Variants in TAF4 observed in about 807,000 individuals in gnomAD.
TAF4 encodes transcription initiation factor TFIID subunit 4.
In TAF4, 9 loss-of-function variants were observed where a neutral mutation model predicts 90.3. The ratio of observed to expected loss-of-function variants is 0.10; its 90% CI spans 0.06 to 0.17. The LOEUF (loss-of-function observed/expected upper bound fraction) is 0.17, where lower values mean the gene tolerates loss of function less well. Ranked by LOEUF, TAF4 falls within the 10% of genes least tolerant of loss-of-function variation. The pLI, the probability that TAF4 is intolerant of heterozygous loss-of-function variation, is 1.00. For missense variants in TAF4, 1,351 were observed against 1,370.7 expected, an observed-to-expected ratio of 0.99 and a Z score of 0.23; for synonymous variants, 818 against 638.9, an observed-to-expected ratio of 1.28 and a Z score of -4.23.
intron 14 of TAF4, among the ~76,000 whole-genome samples, chr20:61,994,242 G>A (rs945014825): frequency 1.3e-5 from 2 of 152,230 alleles, no homozygotes; most frequent in Admixed American, 1.3e-4. Context: ...TACATTTTCA[G>A]CGTGGGCTGC....
At position 62,000,229 on chromosome 20, in the gene TAF4, T is replaced by A; in HGVS notation, c.2682A>T (p.Leu894Phe). 6.2e-7 allele frequency: 1 copy of A among 1,614,194 alleles called. No individual in the cohort carries two copies. Among genetic ancestry groups the A allele is most frequent in the Non-Finnish European group, 8.5e-7 (1 of 1,180,012 alleles). ...ATACATAACTTACTACATCTGGATG[T>A]AATTCCGTTATACCATGTTTTTTAC... ...EIGKKHGITE[L>F]HPDVVSYVSH... Residue 894 changes from leucine (L) to phenylalanine (F), a missense_variant, in exon 11 of 15, where the codon TTA (leucine) becomes TTT (phenylalanine). Leu to Phe is a conservative substitution (Grantham distance 22). This residue lies in a region of TAF4 where 95 missense variants were observed against 151.3 expected (regional missense o/e 0.63). Transcript: ENST00000252996.
chr20:61,976,467 C>A, intron 14 of TAF4, 132 bp from the exon 15 acceptor site: 2 of 1,059,282 alleles, frequency 1.9e-6, no homozygotes, highest in Non-Finnish European at 2.8e-6. Context: ...TCCGGTAGGC[C>A]CACAGCTGGA....
intron 1 of TAF4, among the ~76,000 whole-genome samples, chr20:62,029,760 G>C (rs555146350): frequency 6.6e-6 from 1 of 152,294 alleles, no homozygotes; most frequent in South Asian, 2.1e-4. Context: ...ACAAAAATTA[G>C]CTGGGCGTGG....
At chr20:62,057,243 G>A (rs376158171) in intron 1 of TAF4, among the ~76,000 whole-genome samples, 5 of 152,170 alleles carry the variant, frequency 3.3e-5, no homozygotes, top group East Asian at 1.9e-4. Flanking sequence ...CTCTGCCCCA[G>A]GTGTGCTTGG....
intron 14 of TAF4, among the ~76,000 whole-genome samples, chr20:61,982,470 C>T (rs1308685745): frequency 8.4e-6 from 1 of 118,394 alleles, no homozygotes; most frequent in Admixed American, 8.5e-5. Context: ...ACCCACACCC[C>T]ACCCAAGAGG....
chr20:62,007,479 C>A, intron 6 of TAF4, 68 bp downstream of exon 6: 2 of 1,482,620 alleles, frequency 1.3e-6, no homozygotes, highest in East Asian at 2.3e-5. Flanking sequence ...GCCCTGCACA[C>A]TTGGTGCATC....
chr20:61,979,325 G>A (rs1309315437), intron 14 of TAF4: 1 of 152,796 alleles, frequency 6.5e-6, no homozygotes, highest in African/African-American at 2.4e-5. Context: ...AGTGCTTAGT[G>A]GGGGCTTCCA....
rs111169671 is a variant in TAF4 at position 61,982,482 on chromosome 20, G to A, written c.3091-6147C>T. 8.7e-4 allele frequency among the ~76,000 whole-genome samples: 73 copies of A among 83,672 alleles called. No homozygotes were observed. The East Asian group carries it at 0.024, about 28-fold the overall frequency. 54.9% of individuals were successfully genotyped at this position (83,672 alleles called of 152,430 possible). On this transcript the variant is annotated intron_variant, in intron 14 of 14. Coordinates refer to ENST00000252996, the MANE Select transcript of TAF4 (RefSeq NM_003185.4). Reference sequence around the variant, plus strand: ...CAAACCCACACCCCACCCAAGAGGAGACACCAAAACCCACACCCACCTGAG... The same window carrying A: ...CAAACCCACACCCCACCCAAGAGGAAACACCAAAACCCACACCCACCTGAG...
chr20:62,064,837 A>AC lies in TAF4; in HGVS notation c.973dup (p.Val325GlyfsTer137). 1.1e-6 allele frequency: 1 copy of AC among 925,470 alleles called. No homozygotes were observed. Among genetic ancestry groups the AC allele is most frequent in the Non-Finnish European group, 1.3e-6 (1 of 790,316 alleles). 57.3% of individuals were successfully genotyped at this position (925,470 alleles called of 1,614,324 possible). On this transcript the variant is annotated frameshift_variant, in exon 1 of 15. Transcript: ENST00000252996. LOFTEE classifies it high-confidence loss of function. ...CGCGCCGGGCCCGGGTTGGCCGCTGACCCCCGCGGGGCCCCCGGCGGCCGG... is the reference window on the plus strand; with the variant it reads ...CGCGCCGGGCCCGGGTTGGCCGCTGACCCCCCGCGGGGCCCCCGGCGGCCGG...
At chr20:61,997,788 T>C (rs1212802526) in intron 13 of TAF4, 119 bp from the exon 14 acceptor site, 2 of 1,302,794 alleles carry the variant, frequency 1.5e-6, no homozygotes, top group Admixed American at 2.7e-5. Context: ...ACTTCTTTAA[T>C]GTTTTGACTT....
In TAF4 at chr20:62,065,791, A is replaced by G; in HGVS notation, c.20T>C (p.Leu7Pro). MAAGSD[L>P]LDEVFFNSEV... ...GCTGTTGAAGAAGACCTCGTCCAGC[A>G]GATCCGAGCCCGCCGCCATCTTTTT... Residue 7 changes from leucine to proline, a missense_variant, in exon 1 of 15, where the codon CTG (leucine) becomes CCG (proline). Coordinates refer to ENST00000252996, the MANE Select transcript of TAF4 (RefSeq NM_003185.4). 7.6e-7 allele frequency: 1 copy of G among 1,315,078 alleles called. No individual in the cohort carries two copies. Among genetic ancestry groups the G allele is most frequent in the Non-Finnish European group, 9.9e-7 (1 of 1,012,364 alleles). The allele number at this position is 1,315,078 out of a possible 1,614,324, so 81.5% of individuals were successfully genotyped here. A position where few individuals can be genotyped will look rare whatever the true frequency, so the allele number is the denominator to read the frequency against.
Position 62,010,255 on chromosome 20 carries a change from A to G in TAF4, c.1642-90T>C, listed in dbSNP as rs1278684266. On this transcript the variant is annotated intron_variant, in intron 3 of 14. Coordinates refer to ENST00000252996, the MANE Select transcript of TAF4 (RefSeq NM_003185.4). This position sits in a 1 kb window ranked among gnomAD's most constrained non-coding sequence, Gnocchi z 4.5. ...GCCTCACGCCCAGCAAAAGAAAACA[A>G]GCCTCCCTGCGGTGGCCAGGACGCC... 1 of 1,591,310 alleles carries G rather than the reference A, an allele frequency of 6.3e-7. No individual in the cohort carries two copies. Among genetic ancestry groups the G allele is most frequent in the Admixed American group, 1.7e-5 (1 of 58,762 alleles).
rs2055635663 is a variant in TAF4 at position 61,992,168 on chromosome 20, T to C, written c.3090+5382A>G. Reference sequence around the variant, plus strand: ...CACAACATAAAGACGAGTCACGGCATTAAACATGTCATTATTTATGGCACT... The same window carrying C: ...CACAACATAAAGACGAGTCACGGCACTAAACATGTCATTATTTATGGCACT... On this transcript the variant is annotated intron_variant, in intron 14 of 14. Coordinates refer to ENST00000252996, the MANE Select transcript of TAF4 (RefSeq NM_003185.4). Among the ~76,000 whole-genome samples, 6 of 152,226 alleles carry C rather than the reference T, an allele frequency of 3.9e-5. 1 individual carries two copies. The South Asian group carries it at 1.2e-3, about 32-fold the overall frequency.
At chr20:62,059,081 C>T (rs6121886) in intron 1 of TAF4, among the ~76,000 whole-genome samples, 2 of 152,258 alleles carry the variant, frequency 1.3e-5, no homozygotes, top group East Asian at 3.8e-4. Flanking sequence ...TTCTCCTGCC[C>T]TCACACGCGG....
chr20:62,009,735 C>T (rs1018779679), intron 4 of TAF4, among the ~76,000 whole-genome samples: 1 of 151,546 alleles, frequency 6.6e-6, no homozygotes. Flanking sequence ...GCCGACACTA[C>T]GAGTGTGTAC....
At chr20:62,031,743 A>G (rs1045126131) in intron 1 of TAF4, among the ~76,000 whole-genome samples, 8 of 152,120 alleles carry the variant, frequency 5.3e-5, no homozygotes, top group African/African-American at 1.9e-4. Flanking sequence ...TACTAGAGTA[A>G]GCACATGTGT....
At chr20:62,031,541 A>G (rs1352615493) in intron 1 of TAF4, among the ~76,000 whole-genome samples, 1 of 152,136 alleles carries the variant, frequency 6.6e-6, no homozygotes, top group Non-Finnish European at 1.5e-5. Flanking sequence ...CACTTTGGGC[A>G]TTCCCTTTGC....
chr20:62,029,928 C>T (rs185816794), intron 1 of TAF4, among the ~76,000 whole-genome samples: 1 of 152,154 alleles, frequency 6.6e-6, no homozygotes, highest in South Asian at 2.1e-4. Flanking sequence ...AAAAGAATGG[C>T]AGGCACAGGT....
intron 1 of TAF4, among the ~76,000 whole-genome samples, chr20:62,043,889 G>C (rs1352433218): frequency 6.6e-6 from 1 of 152,158 alleles, no homozygotes; most frequent in African/African-American, 2.4e-5. Context: ...ACTGTACCTG[G>C]TTTACACATA....
Sources: gnomAD v4.1 joint callset for allele counts (sites outside exome capture counted in the v4.1 genomes callset) on GRCh38, gnomAD v4.1.1 for gene constraint, gnomAD v4.1.1 regional missense constraint, Gnocchi (gnomAD v3.1) non-coding constraint, MANE v1.5 for transcripts, NCBI Gene and HGNC (gene_info 2026-07-23, HGNC 2026-07-21) for gene names.